Variants in NUP42 observed in about 807,000 individuals in gnomAD.
NUP42 encodes the protein nucleoporin 42, also known as nucleoporin NUP42.
A neutral mutation model predicts 35.9 loss-of-function variants in NUP42; 47 were observed. The observed-to-expected ratio is 1.31, with a 90% CI of 1.04 to 1.67. The LOEUF is 1.67. NUP42 is among the 40% of genes most tolerant of loss of function. The probability of loss-of-function intolerance (pLI) is 0.00; values close to 1 mark genes in which losing one functional copy is unlikely to be tolerated. For missense variants in NUP42, 514 were observed against 492.2 expected, an observed-to-expected ratio of 1.04 and a Z score of -0.42; for synonymous variants, 173 against 173.3, an observed-to-expected ratio of 1.00 and a Z score of 0.01.
At chr7:23,185,009 TAAAAAG>T in intron 1 of NUP42, 55 bp from the exon 2 acceptor site, 3 of 1,410,064 alleles carry the variant, frequency 2.1e-6, no homozygotes, top group Non-Finnish European at 2.9e-6. Flanking sequence ...CTATCTCAAT[TAAAAAG>T]AAAATAGAAA....
Position 23,185,285 on chromosome 7 carries a change from G to GA in NUP42, c.341dup (p.Lys115GlufsTer32). 6.2e-7 allele frequency: 1 copy of GA among 1,606,478 alleles called. No homozygotes were observed. Among genetic ancestry groups the GA allele is most frequent in the Non-Finnish European group, 8.5e-7 (1 of 1,176,322 alleles). On this transcript the variant is annotated frameshift_variant, in exon 2 of 7. Coordinates refer to ENST00000258742, the MANE Select transcript of NUP42 (RefSeq NM_007342.3). LOFTEE classifies it high-confidence loss of function. The stretch of plus-strand genomic sequence containing the variant: ...ACTTAGTCCTGATGAGCAGAAAGAT[G>GA]AAAAGAAACTTCTGTAAGTGAAAGT...
intron 3 of NUP42, among the ~76,000 whole-genome samples, chr7:23,191,010 TAA>T (rs1177194140): frequency 6.6e-6 from 1 of 152,100 alleles, no homozygotes; most frequent in Non-Finnish European, 1.5e-5. Flanking sequence ...GAGTCCTGAA[TAA>T]AGAGAGGGTA....
In NUP42 at chr7:23,200,205, G is replaced by A. The variant is rs77508599; in HGVS notation, c.732G>A (p.Gln244=). ...ATAACAGCAGCAGTGATAATGCTCA[G>A]AACTTTAGTTTTAAAACAAACTCTG... The part of the protein sequence containing the change: ...PVNNSSSDNA[Q]NFSFKTNSGF... The change falls in exon 7 of 7, where the codon CAG becomes CAA. Residue 244 remains glutamine, a synonymous_variant. Coordinates refer to ENST00000258742, the MANE Select transcript of NUP42 (RefSeq NM_007342.3). The A allele has an allele frequency of 9.4e-5, 150 of 1,602,558 alleles. No homozygotes were observed. The East Asian group carries it at 2.8e-3, about 30-fold the overall frequency.
At chr7:23,197,455 G>A (rs1034735169) in intron 5 of NUP42, among the ~76,000 whole-genome samples, 3 of 152,172 alleles carry the variant, frequency 2.0e-5, no homozygotes, top group Non-Finnish European at 1.5e-5. Flanking sequence ...TGTGCTTCCT[G>A]AATAACTAGA....
chr7:23,197,365 T>TCATATCCTTATACAGA, intron 5 of NUP42: 1 of 422,336 alleles, frequency 2.4e-6, no homozygotes, highest in Non-Finnish European at 4.2e-6. Flanking sequence ...GTTTCTACTC[T>TCATATCCTTATACAGA]GTATAAGGAT....
At chr7:23,187,939 TCTCTC>T in intron 3 of NUP42, 9 of 401,658 alleles carry the variant, frequency 2.2e-5, no homozygotes, top group Non-Finnish European at 3.9e-5. Flanking sequence ...ATTCTCTGTC[TCTCTC>T]TCTCTCTCTG....
At position 23,185,191 on chromosome 7, in the gene NUP42, T is replaced by C; in HGVS notation, c.243T>C (p.Ser81=). 6.2e-7 allele frequency: 1 copy of C among 1,614,188 alleles called. No homozygotes were observed. Residue 81 remains serine, a synonymous_variant, in exon 2 of 7, where the codon AGT becomes AGC. Coordinates refer to ENST00000258742, the MANE Select transcript of NUP42 (RefSeq NM_007342.3). The stretch of plus-strand genomic sequence containing the variant: ...GAGATCAAGAAAAGCCATATTTCAG[T>C]TCTTTTGATTCTGGAGCTTCAACTA... ...GSRDQEKPYF[S]SFDSGASTNR...
At chr7:23,187,478 C>A in intron 3 of NUP42, 1 of 184,954 alleles carries the variant, frequency 5.4e-6, no homozygotes, top group Non-Finnish European at 1.1e-5. Context: ...TCATTAAGGC[C>A]TTGGCTGCCT....
chr7:23,199,588 G>C (rs762230684), intron 6 of NUP42, 46 bp downstream of exon 6: 5 of 1,477,990 alleles, frequency 3.4e-6, no homozygotes, highest in Middle Eastern at 1.7e-4. Context: ...AGAAAAATTA[G>C]ATTTTATAGG....
chr7:23,188,755 T>A (rs1334794472), intron 3 of NUP42, among the ~76,000 whole-genome samples: 1 of 152,174 alleles, frequency 6.6e-6, no homozygotes, highest in Non-Finnish European at 1.5e-5. Context: ...CTTTTAGGAG[T>A]TGCCTGAGTT....
chr7:23,186,141 T>C (rs1346807436), intron 2 of NUP42, among the ~76,000 whole-genome samples: 1 of 152,280 alleles, frequency 6.6e-6, no homozygotes, highest in Non-Finnish European at 1.5e-5. Context: ...ATGACATTTC[T>C]TGAGAATATT....
At chr7:23,199,392 G>T in intron 5 of NUP42, 66 bp from the exon 6 acceptor site, 1 of 1,298,456 alleles carries the variant, frequency 7.7e-7, no homozygotes, top group Non-Finnish European at 1.1e-6. Flanking sequence ...TCCATAAAGT[G>T]TATAGAAAAG....
Position 23,182,303 on chromosome 7 carries a change from A to G in NUP42, c.121+97A>G, listed in dbSNP as rs112580887. 62 of 1,507,816 alleles carry G rather than the reference A, an allele frequency of 4.1e-5. No homozygotes were observed. The African/African-American group carries it at 4.4e-4, about 11-fold the overall frequency. 93.4% of individuals were successfully genotyped at this position (1,507,816 alleles called of 1,614,324 possible). On this transcript the variant is annotated intron_variant, in intron 1 of 6. Transcript: ENST00000258742. Reference sequence around the variant, plus strand: ...GTGTTTCCCGCTGCTGGTGACCCCAACGTGCCCGCGTCGCGGCCTTGCCGG... The same window carrying G: ...GTGTTTCCCGCTGCTGGTGACCCCAGCGTGCCCGCGTCGCGGCCTTGCCGG...
intron 3 of NUP42, among the ~76,000 whole-genome samples, chr7:23,189,054 G>T (rs1426771398): frequency 2.6e-5 from 4 of 152,144 alleles, no homozygotes; most frequent in Non-Finnish European, 5.9e-5. Flanking sequence ...CACACAAAAA[G>T]TGTGTCTGCC....
At chr7:23,182,909 CAAAAA>C (rs572917944) in intron 1 of NUP42, among the ~76,000 whole-genome samples, 1 of 96,768 alleles carries the variant, frequency 1.0e-5, no homozygotes, top group African/African-American at 3.8e-5. Context: ...GCGAGACTAT[CAAAAA>C]AAAAAAAAGA....
chr7:23,188,007 A>ATTATT lies in NUP42; in HGVS notation c.445+863_445+864insATTTT, dbSNP rs1554295680. 4.3e-5 allele frequency: 44 copies of ATTATT among 1,019,854 alleles called. 3 individuals are homozygous for ATTATT. The highest frequency in any genetic ancestry group is 5.6e-5 in the South Asian group (3 of 53,802). 63.2% of individuals were successfully genotyped at this position (1,019,854 alleles called of 1,614,324 possible). ...TTCTCTCTCTCTTTTTTTATTTTTT[A>ATTATT]TTTTTATTTTTTTTTTTGTCCATAG... On this transcript the variant is annotated intron_variant, in intron 3 of 6. Coordinates refer to ENST00000258742, the MANE Select transcript of NUP42 (RefSeq NM_007342.3).
At chr7:23,182,532 T>C in intron 1 of NUP42, 1 of 1,065,286 alleles carries the variant, frequency 9.4e-7, no homozygotes, top group Non-Finnish European at 1.1e-6. Context: ...AGTTGTTTTT[T>C]CGAGGGTGAG....
intron 3 of NUP42, among the ~76,000 whole-genome samples, chr7:23,194,169 C>G (rs1252121096): frequency 6.6e-6 from 1 of 152,230 alleles, no homozygotes; most frequent in Non-Finnish European, 1.5e-5. Context: ...CAGAAAGGGG[C>G]TCCCACAGTG....
intron 2 of NUP42, among the ~76,000 whole-genome samples, chr7:23,185,942 G>A (rs1785578744): frequency 6.6e-6 from 1 of 151,736 alleles, no homozygotes; most frequent in South Asian, 2.1e-4. Context: ...GTTTTACCAT[G>A]TTGGCCAGGC....
Sources: allele counts gnomAD v4.1 joint callset (sites outside exome capture counted in the v4.1 genomes callset), GRCh38; gene constraint gnomAD v4.1.1; transcripts MANE v1.5; gene names NCBI Gene and HGNC (gene_info 2026-07-23, HGNC 2026-07-21).